Variants in ERG observed in about 807,000 individuals in gnomAD.
ERG encodes ETS transcription factor ERG.
ERG carries 9 observed loss-of-function variants against 55.3 expected under a neutral mutation model. That is an observed-to-expected ratio of 0.16 (90% confidence interval 0.10 to 0.28). The LOEUF (loss-of-function observed/expected upper bound fraction) is 0.28. Ranked by LOEUF, ERG falls within the 10% of genes least tolerant of loss-of-function variation. The pLI, the probability that ERG is intolerant of heterozygous loss-of-function variation, is 1.00. For missense variants in ERG, 434 were observed against 631.6 expected (o/e 0.69, Z 3.35); for synonymous variants, 223 against 237.3 (o/e 0.94, Z 0.55).
At chr21:38,601,182 G>A (rs560793633) in intron 1 of ERG, among the ~76,000 whole-genome samples, 9 of 152,226 alleles carry the variant, frequency 5.9e-5, no homozygotes, top group African/African-American at 1.7e-4. Flanking sequence ...CAACTCAGAT[G>A]ACAGAGTCCA....
intron 1 of ERG, among the ~76,000 whole-genome samples, chr21:38,622,905 T>C: frequency 2.3e-5 from 3 of 130,996 alleles, no homozygotes; most frequent in African/African-American, 5.9e-5. Flanking sequence ...ACACCATACA[T>C]ACACCACATG....
intron 2 of ERG, among the ~76,000 whole-genome samples, chr21:38,423,986 G>C (rs1989679281): frequency 6.6e-6 from 1 of 151,690 alleles, no homozygotes; most frequent in African/African-American, 2.4e-5. Flanking sequence ...AAACAAAAAA[G>C]AAAAGAAAAG....
intron 1 of ERG, among the ~76,000 whole-genome samples, chr21:38,634,503 T>G (rs2060376420): frequency 1.3e-5 from 2 of 152,146 alleles, no homozygotes; most frequent in Admixed American, 6.5e-5. Context: ...ACCCCAAATA[T>G]CTGGTGTAGA....
At chr21:38,539,597 A>C (rs1322738457) in intron 2 of ERG, among the ~76,000 whole-genome samples, 1 of 152,196 alleles carries the variant, frequency 6.6e-6, no homozygotes, top group Non-Finnish European at 1.5e-5. Context: ...TGAAAAAGCT[A>C]AAGATTAAAG....
chr21:38,477,798 T>C (rs2059202529), intron 1 of ERG, among the ~76,000 whole-genome samples: 1 of 152,196 alleles, frequency 6.6e-6, no homozygotes, highest in Non-Finnish European at 1.5e-5. Context: ...GTAAAGTACA[T>C]GCAGAAAGTC....
intron 2 of ERG, among the ~76,000 whole-genome samples, chr21:38,563,281 T>C (rs1278753197): frequency 2.6e-5 from 4 of 152,226 alleles, no homozygotes; most frequent in Admixed American, 1.3e-4. Flanking sequence ...ATAACCCTAA[T>C]GAGAACTCTG....
At chr21:38,637,838 C>T (rs1208622632) in intron 1 of ERG, among the ~76,000 whole-genome samples, 1 of 149,686 alleles carries the variant, frequency 6.7e-6, no homozygotes, top group Non-Finnish European at 1.5e-5. Flanking sequence ...TGTGTGTGTA[C>T]ACATGTGTAT....
At chr21:38,607,461 T>C (rs1034964930) in intron 1 of ERG, among the ~76,000 whole-genome samples, 1 of 151,974 alleles carries the variant, frequency 6.6e-6, no homozygotes, top group Non-Finnish European at 1.5e-5. Flanking sequence ...TGAAACCCCG[T>C]CTCTACTAAA....
chr21:38,501,233 T>C (rs895753982), upstream of ERG, among the ~76,000 whole-genome samples: 1 of 151,296 alleles, frequency 6.6e-6, no homozygotes, highest in Non-Finnish European at 1.5e-5. Context: ...ACCTGGCTAA[T>C]TTTTTTTGTA....
At chr21:38,485,259 A>C (rs1000316075) in intron 1 of ERG, among the ~76,000 whole-genome samples, 5 of 152,300 alleles carry the variant, frequency 3.3e-5, no homozygotes, top group Admixed American at 3.3e-4. Flanking sequence ...AGTTAAAAAA[A>C]AAATAGAACA....
intron 3 of ERG, among the ~76,000 whole-genome samples, chr21:38,410,479 A>G (rs2146473610): frequency 6.6e-6 from 1 of 152,362 alleles, no homozygotes; most frequent in South Asian, 2.1e-4. Context: ...ACTTTGGTAA[A>G]TTGGAATTTA....
At chr21:38,416,590 G>A (rs1763691275) in intron 3 of ERG, among the ~76,000 whole-genome samples, 1 of 152,172 alleles carries the variant, frequency 6.6e-6, no homozygotes, top group African/African-American at 2.4e-5. Flanking sequence ...CATTTGATAA[G>A]TCAATTGGGT....
downstream of ERG, among the ~76,000 whole-genome samples, chr21:38,375,706 A>C (rs1183872031): frequency 6.6e-6 from 1 of 152,196 alleles, no homozygotes; most frequent in Non-Finnish European, 1.5e-5. Flanking sequence ...ACTGAAGCTG[A>C]ACGTTCTATA....
At chr21:38,611,613 C>T (rs1415888760) in intron 1 of ERG, among the ~76,000 whole-genome samples, 4 of 152,196 alleles carry the variant, frequency 2.6e-5, no homozygotes, top group African/African-American at 7.2e-5. Context: ...CTTTCCATGA[C>T]TGTCACTCTA....
At chr21:38,492,056 A>C (rs2059340964) in intron 1 of ERG, among the ~76,000 whole-genome samples, 1 of 77,200 alleles carries the variant, frequency 1.3e-5, no homozygotes. Context: ...TCTCCATAAC[A>C]CTTAATACAT....
At chr21:38,482,060 G>A (rs554614238) in intron 1 of ERG, among the ~76,000 whole-genome samples, 2 of 152,304 alleles carry the variant, frequency 1.3e-5, no homozygotes, top group East Asian at 3.9e-4. Context: ...TGCAGGCTAT[G>A]GGTTGCCTGG....
At chr21:38,596,466 C>T (rs1420855730) in intron 1 of ERG, among the ~76,000 whole-genome samples, 2 of 152,188 alleles carry the variant, frequency 1.3e-5, no homozygotes, top group East Asian at 3.9e-4. Flanking sequence ...GAGTCATCTC[C>T]ACCACAGGGC....
intron 1 of ERG, among the ~76,000 whole-genome samples, chr21:38,603,789 A>T (rs1444020356): frequency 6.6e-6 from 1 of 152,060 alleles, no homozygotes; most frequent in African/African-American, 2.4e-5. Flanking sequence ...GGCGAAATTA[A>T]CATAACTGAA....
intron 1 of ERG, among the ~76,000 whole-genome samples, chr21:38,577,383 G>A (rs1280148318): frequency 1.3e-5 from 2 of 152,168 alleles, no homozygotes; most frequent in Non-Finnish European, 2.9e-5. Context: ...ATGACATGCT[G>A]GGAACCTTAG....
Sources: allele counts gnomAD v4.1 joint callset (sites outside exome capture counted in the v4.1 genomes callset), GRCh38; gene constraint gnomAD v4.1.1; transcripts MANE v1.5; gene names NCBI Gene and HGNC (gene_info 2026-07-23, HGNC 2026-07-21).